Variants in KRT7 observed in about 807,000 individuals in gnomAD.
The protein encoded by KRT7 is keratin 7.
KRT7 carries 50 observed loss-of-function variants against 42.8 expected under a neutral mutation model. The observed-to-expected ratio is 1.17, with a 90% confidence interval of 0.93 to 1.48. KRT7 has a LOEUF of 1.48. Ranked by LOEUF, KRT7 falls within the 40% of genes most tolerant of loss-of-function variation. The pLI is 0.00. For missense variants in KRT7, 588 were observed against 637.6 expected (o/e 0.92, Z 0.84); for synonymous variants, 268 against 266.3 (o/e 1.01, Z -0.06).
downstream of KRT7, chr12:52,253,585 G>A (rs1257778648): frequency 1.3e-6 from 2 of 1,593,696 alleles, no homozygotes; most frequent in Non-Finnish European, 1.7e-6. Flanking sequence ...GCAGGCAGGT[G>A]TCCTGTGCCA....
At chr12:52,250,426 G>A, downstream of KRT7, 2 of 454,860 alleles carry the variant, frequency 4.4e-6, no homozygotes, top group Non-Finnish European at 4.2e-6. Flanking sequence ...GGAGGCAGAG[G>A]CTGCTGCTGG....
chr12:52,252,389 A>G (rs568812472), downstream of KRT7: 290 of 1,613,962 alleles, frequency 1.8e-4, 1 homozygote, highest in Non-Finnish European at 2.2e-4. Context: ...TCTGCAGGGC[A>G]CCCTCCAGCT....
rs1199511245 is a variant in KRT7 at position 52,238,771 on chromosome 12, A to C, written c.689A>C (p.Glu230Ala). 7 of 1,594,912 alleles carry C rather than the reference A, an allele frequency of 4.4e-6. No homozygotes were observed. Among genetic ancestry groups the C allele is most frequent in the Non-Finnish European group, 6.0e-6 (7 of 1,162,358 alleles). The change falls in exon 4 of 9, where the codon GAG becomes GCG. Residue 230 changes from glutamate (E) to alanine (A), a missense_variant. Transcript: ENST00000331817. ...DEINFLRTLNETELTELQSQI... is the reference protein window; with the variant it reads ...DEINFLRTLNATELTELQSQI... ...ATCAACTTCCTCAGGACCCTCAATG[A>C]GACGGTGAGGACCATGGAGCTGGGT...
At chr12:52,242,707 AAT>A (rs1254956404) in intron 5 of KRT7, among the ~76,000 whole-genome samples, 1 of 151,816 alleles carries the variant, frequency 6.6e-6, no homozygotes, top group African/African-American at 2.4e-5. Context: ...CTGGGTGTTG[AAT>A]GGGTGCGAAT....
chr12:52,253,457 G>A (rs1942297407), downstream of KRT7: 1 of 1,535,884 alleles, frequency 6.5e-7, no homozygotes, highest in South Asian at 1.1e-5. Flanking sequence ...TGGCAGTCCT[G>A]CCCTGCTACC....
At chr12:52,234,081 C>A (rs1941968076) in intron 1 of KRT7, among the ~76,000 whole-genome samples, 1 of 116,510 alleles carries the variant, frequency 8.6e-6, no homozygotes, top group Non-Finnish European at 1.6e-5. Context: ...GATGCTGATG[C>A]GGATGCAGAT....
rs1695810583 is a variant in KRT7, at chr12:52,235,325, G to A, written c.495G>A (p.Glu165=). The change falls in exon 2 of 9, where the codon GAG becomes GAA. Residue 165 remains glutamate, a synonymous_variant. Coordinates refer to ENST00000331817, the MANE Select transcript of KRT7 (RefSeq NM_005556.4). ...TGGATGGGGGCCGCCTGGAGGCGGA[G>A]CTGCGGAGCATGCAGGATGTGGTGG... ...LQVDGGRLEA[E]LRSMQDVVED... is the part of the protein sequence containing the mutation. The A allele has an allele frequency of 6.2e-7, 1 of 1,613,708 alleles. No homozygotes were observed. Among genetic ancestry groups the A allele is most frequent in the Non-Finnish European group, 8.5e-7 (1 of 1,179,890 alleles).
chr12:52,253,165 C>A (rs1259589468), downstream of KRT7: 1 of 1,558,944 alleles, frequency 6.4e-7, no homozygotes, highest in East Asian at 2.2e-5. Flanking sequence ...CTCCTGAGGG[C>A]TAACCCCACT....
At chr12:52,236,452 G>A (rs1225306738) in intron 2 of KRT7, among the ~76,000 whole-genome samples, 1 of 152,154 alleles carries the variant, frequency 6.6e-6, no homozygotes, top group East Asian at 1.9e-4. Flanking sequence ...AACTGGAAGG[G>A]AGTCCAGGGA....
chr12:52,234,436 T>C (rs554492553), intron 1 of KRT7, among the ~76,000 whole-genome samples: 1 of 152,264 alleles, frequency 6.6e-6, no homozygotes, highest in East Asian at 1.9e-4. Context: ...TTCCTCAGCT[T>C]AGACGAAGTG....
chr12:52,252,213 T>C, downstream of KRT7: 1 of 1,608,836 alleles, frequency 6.2e-7, no homozygotes. Context: ...ACTGCAGCAC[T>C]GCCTGGGGGA....
chr12:52,238,641 ACATGGTCTCCCTCTGCCC>A (rs762892305), intron 3 of KRT7, 21 bp from the exon 4 acceptor site: 1 of 1,226,662 alleles, frequency 8.2e-7, no homozygotes, highest in Non-Finnish European at 1.2e-6. Flanking sequence ...TGTACTGAGG[ACATGGTCTCCCTCTGCCC>A]CATCTTGCCC....
chr12:52,245,706 A>T (rs2121101653), intron 7 of KRT7, 74 bp downstream of exon 7: 1 of 1,581,514 alleles, frequency 6.3e-7, no homozygotes, highest in Admixed American at 1.7e-5. Context: ...TCATCCATTT[A>T]CAAGCATTTC....
At position 52,238,589 on chromosome 12, in the gene KRT7, T is replaced by A. The variant is rs939278087; in HGVS notation, c.598-91T>A. The A allele has an allele frequency of 1.1e-5, 9 of 783,704 alleles. No homozygotes were observed. The African/African-American group carries it at 1.5e-4, about 13-fold the overall frequency. The allele number at this position is 783,704 out of a possible 1,614,324, so 48.5% of individuals were successfully genotyped here. On this transcript the variant is annotated intron_variant, in intron 3 of 8. Transcript: ENST00000331817. ...AGGGCAGTAGTATTTGGCCTGTGGG[T>A]TGGACAGGGCAGGCCTGCTTCCACC...
chr12:52,243,880 G>T (rs76038775), intron 6 of KRT7, among the ~76,000 whole-genome samples: 1 of 152,370 alleles, frequency 6.6e-6, no homozygotes, highest in East Asian at 1.9e-4. Context: ...TGCCTGGAGA[G>T]CAGGGACCCT....
At chr12:52,236,596 T>C (rs1942015845) in intron 2 of KRT7, among the ~76,000 whole-genome samples, 1 of 152,188 alleles carries the variant, frequency 6.6e-6, no homozygotes, top group African/African-American at 2.4e-5. Flanking sequence ...TCTACAGAAC[T>C]TGAGGGAGTG....
downstream of KRT7, chr12:52,253,170 C>A: frequency 1.3e-6 from 2 of 1,568,242 alleles, no homozygotes; most frequent in South Asian, 1.1e-5. Context: ...GAGGGCTAAC[C>A]CCACTCTCTT....
Position 52,234,136 on chromosome 12 carries a change from G to GC in KRT7, c.324+516_324+517insC, listed in dbSNP as rs1479431125. Among the ~76,000 whole-genome samples, 2 of 143,900 alleles carry GC rather than the reference G, an allele frequency of 1.4e-5. 1 individual carries two copies. Among genetic ancestry groups the GC allele is most frequent in the Non-Finnish European group, 3.1e-5 (2 of 65,260 alleles). 94.4% of individuals were successfully genotyped at this position (143,900 alleles called of 152,430 possible). ...GTCGGTGGGGCGGGGGAGGGGGGGGGGCTCCCGCCCCTCCCCTCCCCCACC... is the reference window on the plus strand; with the variant it reads ...GTCGGTGGGGCGGGGGAGGGGGGGGGCGCTCCCGCCCCTCCCCTCCCCCACC... On this transcript the variant is annotated intron_variant, in intron 1 of 8. Transcript: ENST00000331817.
chr12:52,251,307 C>T (rs1592400178), downstream of KRT7, among the ~76,000 whole-genome samples: 1 of 152,298 alleles, frequency 6.6e-6, no homozygotes, highest in Admixed American at 6.5e-5. Context: ...TTTTGGCTTC[C>T]CTGGGCCACA....
Sources: gnomAD v4.1 joint callset for allele counts (sites outside exome capture counted in the v4.1 genomes callset) on GRCh38, gnomAD v4.1.1 for gene constraint, MANE v1.5 for transcripts, NCBI Gene and HGNC (gene_info 2026-07-23, HGNC 2026-07-21) for gene names.